CYP2J2: variants seen among roughly 807,000 people sequenced by gnomAD.
CYP2J2 encodes the protein cytochrome P450 family 2 subfamily J member 2, also known as cytochrome P450 2J2.
A neutral mutation model predicts 48.8 loss-of-function variants in CYP2J2; 41 were observed. The observed-to-expected ratio is 0.84, with a 90% CI of 0.66 to 1.09. The LOEUF (loss-of-function observed/expected upper bound fraction) is 1.09, where lower values mean the gene tolerates loss of function less well. CYP2J2 is among the 50% of genes least tolerant of loss of function. The pLI is 0.00. For missense variants in CYP2J2, 644 were observed against 617.3 expected (o/e 1.04, Z -0.46); for synonymous variants, 221 against 227.1 (o/e 0.97, Z 0.24).
At chr1:59,950,866 G>T in the CYP2J2 span, among the ~76,000 whole-genome samples, 1 of 152,196 alleles carries the variant, frequency 6.6e-6, no homozygotes, top group Admixed American at 6.5e-5. Context: ...TGACTGTTCA[G>T]TGGTCTAGCT....
At chr1:59,923,883 A>G (rs1408898710) in intron 1 of CYP2J2, among the ~76,000 whole-genome samples, 2 of 152,210 alleles carry the variant, frequency 1.3e-5, no homozygotes, top group Admixed American at 1.3e-4. Flanking sequence ...TGTGTAGTTG[A>G]AAAATATTTG....
Position 59,893,576 on chromosome 1 carries a change from C to T in CYP2J2, c.*75G>A, listed in dbSNP as rs1030427897. On this transcript the variant is annotated 3_prime_UTR_variant, in exon 9 of 9. Coordinates refer to ENST00000371204, the MANE Select transcript of CYP2J2 (RefSeq NM_000775.4). ...TCACTTTCATTTTGTCCCAACACAT[C>T]TGAGCAGACACCAGTGGTTTCAGAA... 47 of 1,164,718 alleles carry T rather than the reference C, an allele frequency of 4.0e-5. No individual in the cohort carries two copies. Among genetic ancestry groups the T allele is most frequent in the Non-Finnish European group, 5.7e-5 (47 of 831,814 alleles). The allele number at this position is 1,164,718 out of a possible 1,614,324, so 72.1% of individuals were successfully genotyped here. A position where few individuals can be genotyped will look rare whatever the true frequency, so the allele number is the denominator to read the frequency against.
At chr1:59,898,814 G>A (rs1644292091) in intron 8 of CYP2J2, among the ~76,000 whole-genome samples, 1 of 152,122 alleles carries the variant, frequency 6.6e-6, no homozygotes, top group Non-Finnish European at 1.5e-5. Flanking sequence ...ATTAATAACT[G>A]GGCTGTTGTA....
the CYP2J2 span, among the ~76,000 whole-genome samples, chr1:59,951,930 T>C: frequency 6.6e-6 from 1 of 152,278 alleles, no homozygotes; most frequent in African/African-American, 2.4e-5. Context: ...CCACTTCCCA[T>C]CTCTGTCATC....
intron 1 of CYP2J2, among the ~76,000 whole-genome samples, chr1:59,922,648 G>A (rs1385000428): frequency 6.6e-6 from 1 of 152,072 alleles, no homozygotes; most frequent in East Asian, 1.9e-4. Flanking sequence ...CAACAAAGGT[G>A]CAGATCAAGC....
intron 8 of CYP2J2, among the ~76,000 whole-genome samples, chr1:59,898,858 G>A (rs916473581): frequency 2.6e-5 from 4 of 152,190 alleles, no homozygotes. Context: ...TGCAAATGAA[G>A]TCTCTAAGAG....
the CYP2J2 span, among the ~76,000 whole-genome samples, chr1:59,955,241 T>TATATATATATCCATATATATATCC: frequency 2.2e-5 from 3 of 137,034 alleles, no homozygotes; most frequent in African/African-American, 8.2e-5. Flanking sequence ...CGAATAAGGA[T>TATATATATATCCATATATATATCC]ATATATATAT....
At chr1:59,900,255 C>T (rs935982358) in intron 8 of CYP2J2, among the ~76,000 whole-genome samples, 5 of 152,194 alleles carry the variant, frequency 3.3e-5, no homozygotes, top group African/African-American at 7.2e-5. Context: ...CCCTCTCTAT[C>T]TCATTATAAA....
At chr1:59,911,200 C>T (rs1211718057) in intron 4 of CYP2J2, among the ~76,000 whole-genome samples, 1 of 152,122 alleles carries the variant, frequency 6.6e-6, no homozygotes, top group East Asian at 1.9e-4. Flanking sequence ...GCAACCAGCA[C>T]AGATGACTCT....
chr1:59,944,836 C>CT, the CYP2J2 span, among the ~76,000 whole-genome samples: 4 of 151,870 alleles, frequency 2.6e-5, no homozygotes, highest in African/African-American at 9.7e-5. Flanking sequence ...TTAAATGCCA[C>CT]TTTAAAAAAA....
At chr1:59,937,119 C>T in the CYP2J2 span, among the ~76,000 whole-genome samples, 1 of 152,206 alleles carries the variant, frequency 6.6e-6, no homozygotes, top group South Asian at 2.1e-4. Flanking sequence ...ACGAACCCTC[C>T]AGGGTTCCAG....
intron 1 of CYP2J2, among the ~76,000 whole-genome samples, chr1:59,921,136 G>A (rs537810008): frequency 2.0e-5 from 3 of 152,210 alleles, no homozygotes; most frequent in South Asian, 4.2e-4. Flanking sequence ...ATTTTGCCTG[G>A]CATATGATAA....
chr1:59,911,761 AG>A lies in CYP2J2; in HGVS notation c.530del (p.Pro177LeufsTer36). 6.2e-7 allele frequency: 1 copy of A among 1,612,644 alleles called. No individual in the cohort carries two copies. On this transcript the variant is annotated frameshift_variant, in exon 4 of 9. Transcript: ENST00000371204. LOFTEE classifies it high-confidence loss of function. The stretch of plus-strand genomic sequence containing the variant: ...TGTTGATCTTGAAATGAGGGTCAAA[AG>A]GCTGTCCTGAAGGTGGAGGAAGGGC... ...TEAIKEENGQ[P>X]FDPHFKINNA...
At chr1:59,952,202 C>T in the CYP2J2 span, among the ~76,000 whole-genome samples, 1 of 152,048 alleles carries the variant, frequency 6.6e-6, no homozygotes, top group Non-Finnish European at 1.5e-5. Context: ...GAAGGGCTTC[C>T]CATGAGCCAG....
At chr1:59,935,451 T>C in the CYP2J2 span, among the ~76,000 whole-genome samples, 1 of 152,198 alleles carries the variant, frequency 6.6e-6, no homozygotes, top group Non-Finnish European at 1.5e-5. Flanking sequence ...ATGAATATGA[T>C]AAGCAGCTTG....
At chr1:59,941,861 G>T in the CYP2J2 span, among the ~76,000 whole-genome samples, 5 of 152,100 alleles carry the variant, frequency 3.3e-5, no homozygotes, top group Non-Finnish European at 7.4e-5. Context: ...TGAGTGAAAA[G>T]TTCAACAAAT....
intron 1 of CYP2J2, among the ~76,000 whole-genome samples, chr1:59,924,985 A>G (rs1644552393): frequency 6.6e-6 from 1 of 152,150 alleles, no homozygotes; most frequent in Non-Finnish European, 1.5e-5. Context: ...CATACTAATC[A>G]GAAAAAAAGT....
At chr1:59,913,292 T>C (rs929556823) in intron 2 of CYP2J2, 4 of 152,132 alleles carry the variant, frequency 2.6e-5, no homozygotes, top group Non-Finnish European at 4.4e-5. Flanking sequence ...ACCTCTTCTT[T>C]TTCTCACCCT....
upstream of CYP2J2, among the ~76,000 whole-genome samples, chr1:59,928,534 C>A (rs2102145926): frequency 6.6e-6 from 1 of 152,312 alleles, no homozygotes; most frequent in Non-Finnish European, 1.5e-5. Context: ...GCTACAGTAT[C>A]TCCCTGAGAT....
Sources: allele counts gnomAD v4.1 joint callset (sites outside exome capture counted in the v4.1 genomes callset), GRCh38; gene constraint gnomAD v4.1.1; transcripts MANE v1.5; gene names NCBI Gene and HGNC (gene_info 2026-07-23, HGNC 2026-07-21).